CMIP: variants seen among roughly 807,000 people sequenced by gnomAD.
The protein encoded by CMIP is C-Maf-inducing protein.
Under a neutral mutation model 97.3 loss-of-function variants are expected in CMIP, and 13 were observed. The ratio of observed to expected loss-of-function variants is 0.13; its 90% CI spans 0.09 to 0.21. The LOEUF (loss-of-function observed/expected upper bound fraction) is 0.21, where lower values mean the gene tolerates loss of function less well. Ranked by LOEUF, CMIP falls within the 10% of genes least tolerant of loss-of-function variation. The probability of loss-of-function intolerance (pLI) is 1.00; values close to 1 mark genes in which losing one functional copy is unlikely to be tolerated. For missense variants in CMIP, 847 were observed against 1,024.9 expected (o/e 0.83, Z 2.37); for synonymous variants, 538 against 436.3 (o/e 1.23, Z -2.91).
At chr16:81,700,980 C>T (rs1014367163) in intron 15 of CMIP, among the ~76,000 whole-genome samples, 1 of 152,040 alleles carries the variant, frequency 6.6e-6, no homozygotes, top group African/African-American at 2.4e-5. Flanking sequence ...GTGACCTGCT[C>T]CTTGGTGAGT....
intron 1 of CMIP, among the ~76,000 whole-genome samples, chr16:81,551,929 C>G (rs190225643): frequency 2.0e-5 from 3 of 152,232 alleles, no homozygotes; most frequent in Non-Finnish European, 4.4e-5. Flanking sequence ...CAACTTTGTT[C>G]TTGCTCAGTC....
At chr16:81,654,094 C>A (rs2092457887) in intron 4 of CMIP, among the ~76,000 whole-genome samples, 1 of 152,218 alleles carries the variant, frequency 6.6e-6, no homozygotes, top group African/African-American at 2.4e-5. Flanking sequence ...CAACCACCAC[C>A]ACACCCTTAT....
intron 2 of CMIP, among the ~76,000 whole-genome samples, chr16:81,612,252 C>T (rs943111760): frequency 2.0e-5 from 3 of 152,174 alleles, no homozygotes; most frequent in African/African-American, 7.2e-5. Flanking sequence ...AAAAATTAGA[C>T]AGAGCCGCTG....
chr16:81,604,956 C>T (rs1274500202), intron 1 of CMIP, among the ~76,000 whole-genome samples: 1 of 152,146 alleles, frequency 6.6e-6, no homozygotes, highest in East Asian at 1.9e-4. Flanking sequence ...ATGTCAGACG[C>T]CATTTAGGCA....
chr16:81,690,276 C>G (rs192351182), intron 10 of CMIP, among the ~76,000 whole-genome samples: 61 of 152,296 alleles, frequency 4.0e-4, no homozygotes, highest in African/African-American at 1.4e-3. Context: ...ATTGATTCTT[C>G]CTATCCATGA....
At chr16:81,705,196 C>G (rs1009155586) in intron 18 of CMIP, among the ~76,000 whole-genome samples, 1 of 152,200 alleles carries the variant, frequency 6.6e-6, no homozygotes, top group Non-Finnish European at 1.5e-5. Flanking sequence ...AGAAAGCCAC[C>G]TAGGCAGCAT....
chr16:81,535,937 A>G (rs548376945), intron 1 of CMIP, among the ~76,000 whole-genome samples: 1 of 152,290 alleles, frequency 6.6e-6, no homozygotes, highest in South Asian at 2.1e-4. Context: ...AGGCGAGAGC[A>G]TCTTGGATCT....
At chr16:81,671,416 T>C (rs893227658) in intron 8 of CMIP, among the ~76,000 whole-genome samples, 1 of 152,214 alleles carries the variant, frequency 6.6e-6, no homozygotes, top group African/African-American at 2.4e-5. Flanking sequence ...GTGGCACTTA[T>C]TGAGGACTTA....
At chr16:81,644,065 G>A (rs191070615) in intron 3 of CMIP, among the ~76,000 whole-genome samples, 18 of 152,306 alleles carry the variant, frequency 1.2e-4, no homozygotes, top group African/African-American at 3.4e-4. Flanking sequence ...CAGAAGCACC[G>A]TTGACCCTAT....
chr16:81,580,370 A>G (rs2091275395), intron 1 of CMIP, among the ~76,000 whole-genome samples: 1 of 151,806 alleles, frequency 6.6e-6, no homozygotes, highest in African/African-American at 2.4e-5. Context: ...AGATAAATTC[A>G]CCTCATATGA....
intron 1 of CMIP, among the ~76,000 whole-genome samples, chr16:81,455,249 C>T (rs528938880): frequency 1.3e-3 from 205 of 152,302 alleles, no homozygotes; most frequent in Non-Finnish European, 2.3e-3. Context: ...GACCGTGCAG[C>T]GGCCACTCGT....
At position 81,652,208 on chromosome 16, in the gene CMIP, G is replaced by A; in HGVS notation, c.483G>A (p.Lys161=). The change falls in exon 4 of 21, where the codon AAG becomes AAA. Residue 161 remains lysine (K), a synonymous_variant. Transcript: ENST00000537098. The surrounding 1 kb of genome is among the most constrained non-coding windows in gnomAD (Gnocchi z 5.2). ...QWFHSLQWKK[K]IYKYKKVLSN... Reference sequence around the variant, plus strand: ...TCTTTATCTCTTTCAACCAGAAAAAGATTTACAAATATAAGAAAGTGCTGA... The same window carrying A: ...TCTTTATCTCTTTCAACCAGAAAAAAATTTACAAATATAAGAAAGTGCTGA... 6.2e-7 allele frequency: 1 copy of A among 1,612,472 alleles called. No homozygotes were observed. The highest frequency in any genetic ancestry group is 8.5e-7 in the Non-Finnish European group (1 of 1,178,798).
intron 1 of CMIP, among the ~76,000 whole-genome samples, chr16:81,480,438 G>T (rs1313876535): frequency 1.3e-5 from 2 of 152,196 alleles, no homozygotes; most frequent in South Asian, 2.1e-4. Flanking sequence ...TACTCAGGAG[G>T]CTGAGGCATG....
chr16:81,592,483 G>C lies in CMIP; in HGVS notation c.301-15084G>C, dbSNP rs370657203. The stretch of plus-strand genomic sequence containing the variant: ...GTGTTCCAGGGTGCCCCTCCCTCCT[G>C]TCCTTGCCCTTTGTACCGGACCCTC... On this transcript the variant is annotated intron_variant, in intron 1 of 20. Transcript: ENST00000537098. 3.2e-4 allele frequency among the ~76,000 whole-genome samples: 49 copies of C among 152,154 alleles called. 2 individuals carry two copies. In the East Asian group the frequency reaches 5.8e-3, roughly 18 times the overall value.
intron 1 of CMIP, among the ~76,000 whole-genome samples, chr16:81,510,058 T>C (rs1045989090): frequency 2.6e-5 from 4 of 152,262 alleles, no homozygotes; most frequent in African/African-American, 9.6e-5. Context: ...ATGCTTTTCC[T>C]GTATCTTTAA....
At chr16:81,699,890 G>T in intron 15 of CMIP, 89 bp downstream of exon 15, 2 of 891,026 alleles carry the variant, frequency 2.2e-6, no homozygotes, top group South Asian at 3.0e-5. Context: ...GCCAGGAGCT[G>T]CTGCAGGCAC....
rs35314200 is a variant in CMIP, at chr16:81,675,370, ATTTTTTTTTT to A, written c.1035-2894_1035-2885del. Among the ~76,000 whole-genome samples, 253 of 123,372 alleles carry A rather than the reference ATTTTTTTTTT, an allele frequency of 2.1e-3. 3 individuals are homozygous for A. Among genetic ancestry groups the A allele is most frequent in the Non-Finnish European group, 1.0e-3 (60 of 58,402 alleles). 80.9% of individuals were successfully genotyped at this position (123,372 alleles called of 152,430 possible). ...AGGTGTGCACTGCCACACCTGGCTA[ATTTTTTTTTT>A]TTTTTTTTTTGTATTTTTAGTAGAG... is the stretch of plus-strand genomic sequence containing the variant. On this transcript the variant is annotated intron_variant, in intron 9 of 20. Coordinates refer to ENST00000537098, the MANE Select transcript of CMIP (RefSeq NM_198390.3).
chr16:81,602,238 C>T (rs1042736489), intron 1 of CMIP, among the ~76,000 whole-genome samples: 1 of 151,272 alleles, frequency 6.6e-6, no homozygotes, highest in Admixed American at 6.6e-5. Flanking sequence ...CATCTATGTG[C>T]GATAATGTGG....
At chr16:81,519,453 T>G (rs2089978793) in intron 1 of CMIP, 1 of 152,242 alleles carries the variant, frequency 6.6e-6, no homozygotes, top group Non-Finnish European at 1.5e-5. Context: ...AGGAATTGGG[T>G]TCTCTGGGCT....
Sources: allele counts gnomAD v4.1 joint callset (sites outside exome capture counted in the v4.1 genomes callset), GRCh38; gene constraint gnomAD v4.1.1; non-coding constraint Gnocchi (gnomAD v3.1); transcripts MANE v1.5; gene names NCBI Gene and HGNC (gene_info 2026-07-23, HGNC 2026-07-21).